The following AVPR1A variants were observed in gnomAD, a reference collection of about 807,000 sequenced individuals.
AVPR1A encodes arginine vasopressin receptor 1A, also known as vasopressin V1a receptor.
In AVPR1A, 31 loss-of-function variants were observed where a neutral mutation model predicts 31.5. That is an observed-to-expected ratio of 0.99 (90% CI 0.74 to 1.33). The LOEUF is 1.33. AVPR1A is among the 40% of genes most tolerant of loss of function. The pLI, the probability that AVPR1A is intolerant of heterozygous loss-of-function variation, is 0.00. For synonymous variants in AVPR1A, 243 were observed against 233.2 expected (o/e 1.04, Z -0.38); for missense variants, 570 against 575.2 (o/e 0.99, Z 0.09).
rs1868375356 is a variant in AVPR1A, at chr12:63,147,459, G to A, written c.1157C>T (p.Thr386Ile). 6.2e-7 allele frequency: 1 copy of A among 1,614,090 alleles called. No homozygotes were observed. The highest frequency in any genetic ancestry group is 1.3e-5 in the African/African-American group (1 of 75,036). The change falls in exon 2 of 2, where the codon ACT (threonine) becomes ATT (isoleucine). Residue 386 changes from threonine to isoleucine, a missense_variant. Physicochemically the swap from Thr to Ile is moderately conservative, Grantham distance 89. Transcript: ENST00000299178. ...EDTDSMSRRQ[T>I]FYSNNRSPTN... ...TGGGCTTCGATTGTTAGAATAAAAAGTCTGTCTTCTGCTCATACTGTCAGT... is the reference window on the plus strand; with the variant it reads ...TGGGCTTCGATTGTTAGAATAAAAAATCTGTCTTCTGCTCATACTGTCAGT...
rs553995625 is a variant in AVPR1A at position 63,150,381 on chromosome 12, C to G, written c.456G>C (p.Ala152=). The G allele has an allele frequency of 5.6e-6, 9 of 1,613,862 alleles. No individual in the cohort carries two copies. Among genetic ancestry groups the G allele is most frequent in the Non-Finnish European group, 7.6e-6 (9 of 1,179,982 alleles). ...LVVMTADRYI[A]VCHPLKTLQQ... is the part of the protein sequence containing the mutation. The stretch of plus-strand genomic sequence containing the variant: ...GCAGAGTCTTGAGCGGGTGGCACAC[C>G]GCGATGTAGCGGTCGGCTGTCATGA... Residue 152 remains alanine (A), a synonymous_variant, in exon 1 of 2, where the codon GCG becomes GCC. Coordinates refer to ENST00000299178, the MANE Select transcript of AVPR1A (RefSeq NM_000706.5). This position sits in a 1 kb window ranked among gnomAD's most constrained non-coding sequence, Gnocchi z 4.9.
chr12:63,150,463 C>T lies in AVPR1A; in HGVS notation c.374G>A (p.Arg125His), dbSNP rs1868452328. 1.2e-6 allele frequency: 2 copies of T among 1,613,320 alleles called. No individual in the cohort carries two copies. Among genetic ancestry groups the T allele is most frequent in the African/African-American group, 1.3e-5 (1 of 74,938 alleles). ...GAACACCTGCAGGTGCTTCACCACGCGGCACAGCCAGTCGGGGCCGCGGAA... is the reference window on the plus strand; with the variant it reads ...GAACACCTGCAGGTGCTTCACCACGTGGCACAGCCAGTCGGGGCCGCGGAA... ...YRFRGPDWLC[R>H]VVKHLQVFGM... The change falls in exon 1 of 2, where the codon CGC becomes CAC. Residue 125 changes from arginine to histidine, a missense_variant. Physicochemically the swap from Arg to His is conservative, Grantham distance 29. Transcript: ENST00000299178. The surrounding 1 kb of genome is among the most constrained non-coding windows in gnomAD (Gnocchi z 4.9).
Position 63,151,027 on chromosome 12 carries a change from T to A in AVPR1A, c.-191A>T. 2 of 820,282 alleles carry A rather than the reference T, an allele frequency of 2.4e-6. No individual in the cohort carries two copies. The highest frequency in any genetic ancestry group is 3.7e-6 in the Non-Finnish European group (2 of 546,668). 50.8% of individuals were successfully genotyped at this position (820,282 alleles called of 1,614,324 possible). On this transcript the variant is annotated 5_prime_UTR_variant, in exon 1 of 2. Coordinates refer to ENST00000299178, the MANE Select transcript of AVPR1A (RefSeq NM_000706.5). ...GCGTCCCGCCTGCCCACTGAGCAGC[T>A]CTCAGCAGGGTGAGCTGGCCCCTCT...
Position 63,145,724 on chromosome 12 carries a change from AC to A in AVPR1A, c.*1634del, listed in dbSNP as rs1868353663. On this transcript the variant is annotated 3_prime_UTR_variant, in exon 2 of 2. Coordinates refer to ENST00000299178, the MANE Select transcript of AVPR1A (RefSeq NM_000706.5). ...ATCTCTAAGAAGAAGAAGCAGCCAGACAAAATAGCTAGGAAAAAAATCACTG... is the reference window on the plus strand; with the variant it reads ...ATCTCTAAGAAGAAGAAGCAGCCAGAAAAATAGCTAGGAAAAAAATCACTG... The A allele has an allele frequency of 6.5e-6, 1 of 154,664 alleles. No homozygotes were observed. 9.6% of individuals were successfully genotyped at this position (154,664 alleles called of 1,614,324 possible). A position where few individuals can be genotyped will look rare whatever the true frequency, so the allele number is the denominator to read the frequency against.
rs746853343 is a variant in AVPR1A at position 63,147,545 on chromosome 12, T to G, written c.1071A>C (p.Gln357His). The change falls in exon 2 of 2, where the codon CAA (glutamine) becomes CAC (histidine). Residue 357 changes from glutamine (Q) to histidine (H), a missense_variant. Transcript: ENST00000299178. ...AGCATGGGAAGCTTTGAACACAGTC[T>G]TGAAGGAGATGGCCACTAAAAAACA... Reference protein sequence around the residue: ...IYMFFSGHLLQDCVQSFPCCQ... With the variant: ...IYMFFSGHLLHDCVQSFPCCQ... 8 of 1,613,992 alleles carry G rather than the reference T, an allele frequency of 5.0e-6. No homozygotes were observed. In the Admixed American group the frequency reaches 8.3e-5, roughly 17 times the overall value.
chr12:63,150,550 G>T lies in AVPR1A; in HGVS notation c.287C>A (p.Ala96Asp), dbSNP rs1433016690. The T allele has an allele frequency of 1.2e-6, 2 of 1,612,816 alleles. No homozygotes were observed. Among genetic ancestry groups the T allele is most frequent in the South Asian group, 1.1e-5 (1 of 91,054 alleles). ...MHLFIRHLSL[A>D]DLAVAFFQVL... Reference sequence around the variant, plus strand: ...CTGGAAGAATGCCACGGCCAGGTCGGCCAGGCTGAGGTGTCGGATGAAGAG... The same window carrying T: ...CTGGAAGAATGCCACGGCCAGGTCGTCCAGGCTGAGGTGTCGGATGAAGAG... Residue 96 changes from alanine to aspartate, a missense_variant, in exon 1 of 2, where the codon GCC becomes GAC. Coordinates refer to ENST00000299178, the MANE Select transcript of AVPR1A (RefSeq NM_000706.5). The surrounding 1 kb of genome is among the most constrained non-coding windows in gnomAD (Gnocchi z 4.9).
chr12:63,150,768 G>T lies in AVPR1A; in HGVS notation c.69C>A (p.Thr23=), dbSNP rs765249377. The change falls in exon 1 of 2, where the codon ACC becomes ACA. Residue 23 remains threonine, a synonymous_variant. Transcript: ENST00000299178. This position sits in a 1 kb window ranked among gnomAD's most constrained non-coding sequence, Gnocchi z 4.9. Reference sequence around the variant, plus strand: ...CCTCCCGGCTTGTGTTGCCAGCGCCGGTGGCCAGAGGCCACCATGGGCTGG... The same window carrying T: ...CCTCCCGGCTTGTGTTGCCAGCGCCTGTGGCCAGAGGCCACCATGGGCTGG... ...GNSSPWWPLA[T]GAGNTSREAE... 3 of 1,598,804 alleles carry T rather than the reference G, an allele frequency of 1.9e-6. No homozygotes were observed. Among genetic ancestry groups the T allele is most frequent in the South Asian group, 2.2e-5 (2 of 90,992 alleles).
At position 63,144,294 on chromosome 12, in the gene AVPR1A, C is replaced by T. The variant is rs1868341547; in HGVS notation, c.*3065G>A. On this transcript the variant is annotated 3_prime_UTR_variant, in exon 2 of 2. Transcript: ENST00000299178. ...GTAGTTTTACACTTTAGAATACATG[C>T]TCCAAAATTAACCCATTAAGCACTT... The T allele has an allele frequency of 1.3e-5, 2 of 152,152 alleles. No homozygotes were observed. The highest frequency in any genetic ancestry group is 4.1e-4 in the South Asian group (2 of 4,828). The allele number at this position is 152,152 out of a possible 1,614,324, so 9.4% of individuals were successfully genotyped here.
chr12:63,149,772 TCTC>T (rs1463059688), intron 1 of AVPR1A, 92 bp downstream of exon 1: 14,491 of 593,022 alleles, frequency 0.024, 71 homozygotes, highest in Middle Eastern at 0.044. Context: ...CTCATTTTTT[TCTC>T]TCTCTCTCTC....
intron 1 of AVPR1A, among the ~76,000 whole-genome samples, chr12:63,149,522 GT>G (rs1388168683): frequency 1.3e-5 from 2 of 152,092 alleles, no homozygotes; most frequent in Non-Finnish European, 2.9e-5. Context: ...CGGCTTTGTA[GT>G]TGCTTGGCTG....
At position 63,150,567 on chromosome 12, in the gene AVPR1A, G is replaced by C; in HGVS notation, c.270C>G (p.Ile90Met). 1 of 1,612,638 alleles carries C rather than the reference G, an allele frequency of 6.2e-7. No homozygotes were observed. The highest frequency in any genetic ancestry group is 1.1e-5 in the South Asian group (1 of 91,070). Residue 90 changes from isoleucine to methionine, a missense_variant, in exon 1 of 2, where the codon ATC (isoleucine) becomes ATG (methionine). By Grantham distance (10) the Ile-to-Met change is conservative (BLOSUM62 1). Transcript: ENST00000299178. The surrounding 1 kb of genome is among the most constrained non-coding windows in gnomAD (Gnocchi z 4.9). Reference sequence around the variant, plus strand: ...CCAGGTCGGCCAGGCTGAGGTGTCGGATGAAGAGGTGCATGCGGGACGTCT... The same window carrying C: ...CCAGGTCGGCCAGGCTGAGGTGTCGCATGAAGAGGTGCATGCGGGACGTCT... ...PRKTSRMHLFIRHLSLADLAV... is the reference protein window; with the variant it reads ...PRKTSRMHLFMRHLSLADLAV...
chr12:63,143,487 T>C lies in AVPR1A; in HGVS notation c.*3872A>G, dbSNP rs1424996631. On this transcript the variant is annotated 3_prime_UTR_variant, in exon 2 of 2. Coordinates refer to ENST00000299178, the MANE Select transcript of AVPR1A (RefSeq NM_000706.5). ...TTATGTATACAATGGAATCTTAAAA[T>C]GTGTGTGATTCGAACCATTTACACT... 6.6e-6 allele frequency: 1 copy of C among 152,202 alleles called. No homozygotes were observed. Among genetic ancestry groups the C allele is most frequent in the Non-Finnish European group, 1.5e-5 (1 of 68,048 alleles). The allele number at this position is 152,202 out of a possible 1,614,324, so 9.4% of individuals were successfully genotyped here.
In AVPR1A at chr12:63,150,175, G is replaced by C; in HGVS notation, c.662C>G (p.Thr221Arg). Residue 221 changes from threonine to arginine, a missense_variant, in exon 1 of 2, where the codon ACG becomes AGG. By Grantham distance (71) the Thr-to-Arg change is moderately conservative. Coordinates refer to ENST00000299178, the MANE Select transcript of AVPR1A (RefSeq NM_000706.5). This position sits in a 1 kb window ranked among gnomAD's most constrained non-coding sequence, Gnocchi z 4.9. ...CACGGGCGCCACAAAGATGCCGCCC[G>C]TCATCCAGGTCACGTAGGCACGAGA... Reference protein sequence around the residue: ...WGSRAYVTWMTGGIFVAPVVI... With the variant: ...WGSRAYVTWMRGGIFVAPVVI... 1.2e-6 allele frequency: 2 copies of C among 1,613,980 alleles called. No homozygotes were observed.
rs1868365366 is a variant in AVPR1A at position 63,146,863 on chromosome 12, T to A, written c.*496A>T. Reference sequence around the variant, plus strand: ...TGTACTCCTAGGAGGTACCATCCCATCTCCTGGACACTGTTTAAGGCTGCA... The same window carrying A: ...TGTACTCCTAGGAGGTACCATCCCAACTCCTGGACACTGTTTAAGGCTGCA... On this transcript the variant is annotated 3_prime_UTR_variant, in exon 2 of 2. Coordinates refer to ENST00000299178, the MANE Select transcript of AVPR1A (RefSeq NM_000706.5). 1 of 157,246 alleles carries A rather than the reference T, an allele frequency of 6.4e-6. No homozygotes were observed. The highest frequency in any genetic ancestry group is 1.9e-4 in the South Asian group (1 of 5,272). 9.7% of individuals were successfully genotyped at this position (157,246 alleles called of 1,614,324 possible). A position where few individuals can be genotyped will look rare whatever the true frequency, so the allele number is the denominator to read the frequency against.
In AVPR1A at chr12:63,149,770, TTTC is replaced by T. The variant is rs1471747239; in HGVS notation, c.970+94_970+96del. The T allele has an allele frequency of 4.7e-5, 52 of 1,105,702 alleles. No individual in the cohort carries two copies. The African/African-American group carries it at 9.7e-4, about 21-fold the overall frequency. 68.5% of individuals were successfully genotyped at this position (1,105,702 alleles called of 1,614,324 possible). On this transcript the variant is annotated intron_variant, in intron 1 of 1. Coordinates refer to ENST00000299178, the MANE Select transcript of AVPR1A (RefSeq NM_000706.5). ...AAGAAAATTGCTAGATTCTCATTTT[TTTC>T]TCTCTCTCTCTCTCTCTCTCTCTCT...
chr12:63,147,758 A>C, intron 1 of AVPR1A, 113 bp from the exon 2 acceptor site: 1 of 1,200,722 alleles, frequency 8.3e-7, no homozygotes, highest in Non-Finnish European at 1.2e-6. Context: ...TAGAAAATGA[A>C]CTATTTTGTT....
rs1436616892 is a variant in AVPR1A at position 63,150,993 on chromosome 12, C to T, written c.-157G>A. ...TCTGCGATCCCTCCAGTGGGCGTCT[C>T]CCGGAGCAGCGTCCCGCCTGCCCAC... On this transcript the variant is annotated 5_prime_UTR_variant, in exon 1 of 2. Coordinates refer to ENST00000299178, the MANE Select transcript of AVPR1A (RefSeq NM_000706.5). This position sits in a 1 kb window ranked among gnomAD's most constrained non-coding sequence, Gnocchi z 4.9. 1 of 1,126,452 alleles carries T rather than the reference C, an allele frequency of 8.9e-7. No homozygotes were observed. 69.8% of individuals were successfully genotyped at this position (1,126,452 alleles called of 1,614,324 possible).
intron 1 of AVPR1A, 81 bp from the exon 2 acceptor site, chr12:63,147,726 G>A (rs2120751784): frequency 1.4e-6 from 2 of 1,396,004 alleles, no homozygotes; most frequent in East Asian, 2.3e-5. Context: ...TAATTAAGAA[G>A]GCATAAACTT....
Position 63,147,263 on chromosome 12 carries a change from T to C in AVPR1A, c.*96A>G. On this transcript the variant is annotated 3_prime_UTR_variant, in exon 2 of 2. Transcript: ENST00000299178. ...TACACAATGAATTGATTTATGGTTA[T>C]ATTAATAAAGTGTATTTGTTCTTGT... 1 of 1,383,750 alleles carries C rather than the reference T, an allele frequency of 7.2e-7. No individual in the cohort carries two copies. Among genetic ancestry groups the C allele is most frequent in the East Asian group, 2.3e-5 (1 of 43,234 alleles). The allele number at this position is 1,383,750 out of a possible 1,614,324, so 85.7% of individuals were successfully genotyped here.
Sources: allele counts gnomAD v4.1 joint callset (sites outside exome capture counted in the v4.1 genomes callset), GRCh38; gene constraint gnomAD v4.1.1; non-coding constraint Gnocchi (gnomAD v3.1); transcripts MANE v1.5; gene names NCBI Gene and HGNC (gene_info 2026-07-23, HGNC 2026-07-21).